The following NUP62CL variants were observed in gnomAD, a reference collection of about 807,000 sequenced individuals.
NUP62CL encodes the protein nucleoporin 62 C-terminal like.
In NUP62CL, 13 loss-of-function variants were observed where a neutral mutation model predicts 15.3. The ratio of observed to expected loss-of-function variants is 0.85; its 90% CI spans 0.55 to 1.35. The LOEUF (loss-of-function observed/expected upper bound fraction) is 1.35. NUP62CL is among the 40% of genes most tolerant of loss of function. The pLI is 0.00. For synonymous variants in NUP62CL, 54 were observed against 49.2 expected (o/e 1.10, Z -0.41); for missense variants, 123 against 130.6 (o/e 0.94, Z 0.28).
chrX:107,192,608 T>A (rs1422190522), intron 2 of NUP62CL, among the ~76,000 whole-genome samples: 5 of 111,819 alleles, frequency 4.5e-5, no homozygotes, highest in Non-Finnish European at 9.4e-5. Context: ...CTCAAACTCC[T>A]GTGCTCAAGC....
chrX:107,128,781 G>A (rs905230129), intron 8 of NUP62CL, among the ~76,000 whole-genome samples: 10 of 111,810 alleles, frequency 8.9e-5, no homozygotes, highest in African/African-American at 2.9e-4. Context: ...AATATCAGGC[G>A]TTTAGAAAAC....
intron 4 of NUP62CL, among the ~76,000 whole-genome samples, chrX:107,166,314 C>T (rs1926515306): frequency 8.9e-6 from 1 of 111,890 alleles, no homozygotes; most frequent in South Asian, 3.7e-4. Context: ...AAAAGACGTT[C>T]AACATCATTA....
At chrX:107,146,917 A>G (rs1221529196) in intron 8 of NUP62CL, among the ~76,000 whole-genome samples, 2 of 111,428 alleles carry the variant, frequency 1.8e-5, no homozygotes, top group African/African-American at 6.5e-5. Flanking sequence ...TTTAGTGTGA[A>G]TGGCATTTAG....
rs1374269499 is a variant in NUP62CL at position 107,153,163 on chromosome X, G to C, written c.530+9C>G. The C allele has an allele frequency of 8.4e-7, 1 of 1,189,938 alleles. No individual in the cohort carries two copies. Among genetic ancestry groups the C allele is most frequent in the East Asian group, 3.0e-5 (1 of 33,250 alleles). ...TGCCCCATTCTTCAATCTTTTTTCA[G>C]TTACTTACATCTCCACATGCTCCTC... is the stretch of plus-strand genomic sequence containing the variant. On this transcript the variant is annotated intron_variant, in intron 7 of 8. Coordinates refer to ENST00000372466, the MANE Select transcript of NUP62CL (RefSeq NM_017681.3).
Position 107,174,718 on chromosome X carries a change from T to G in NUP62CL, c.58+371A>C, listed in dbSNP as rs1446807046. On this transcript the variant is annotated intron_variant, in intron 3 of 8. Transcript: ENST00000372466. ...ATCAGAAAACACACTATAGCAAGGC[T>G]CCTACATTTATTTCCCATTTTATCT... Among the ~76,000 whole-genome samples the G allele has an allele frequency of 2.7e-5, 3 of 111,590 alleles. No homozygotes were observed. In the Admixed American group the frequency reaches 2.9e-4, roughly 11 times the overall value.
At chrX:107,155,768 G>T (rs950881477) in intron 4 of NUP62CL, among the ~76,000 whole-genome samples, 2 of 112,572 alleles carry the variant, frequency 1.8e-5, no homozygotes, top group Non-Finnish European at 3.8e-5. Flanking sequence ...ACCTATCATA[G>T]GGGAGGAGCC....
chrX:107,184,238 A>G (rs1296116603), intron 2 of NUP62CL, among the ~76,000 whole-genome samples: 1 of 109,545 alleles, frequency 9.1e-6, no homozygotes, highest in Non-Finnish European at 1.9e-5. Flanking sequence ...ATTCATCAAC[A>G]AACAATTATT....
intron 4 of NUP62CL, among the ~76,000 whole-genome samples, chrX:107,160,990 T>A (rs1442757414): frequency 2.7e-5 from 3 of 111,369 alleles, no homozygotes; most frequent in African/African-American, 9.8e-5. Context: ...CAGACACTTC[T>A]CAAAAGAAGA....
intron 2 of NUP62CL, among the ~76,000 whole-genome samples, chrX:107,176,275 G>A (rs761442173): frequency 4.5e-5 from 5 of 111,394 alleles, no homozygotes; most frequent in East Asian, 2.8e-4. Context: ...GGTGTAAGTC[G>A]GATAGTTTAT....
At chrX:107,124,407 C>G (rs1187099398) in intron 8 of NUP62CL, 75 bp from the exon 9 acceptor site, 1 of 318,670 alleles carries the variant, frequency 3.1e-6, no homozygotes, top group Non-Finnish European at 6.1e-6. Context: ...GTATTCCTTT[C>G]AACACATGAT....
chrX:107,201,647 G>A (rs1927487588), intron 1 of NUP62CL, among the ~76,000 whole-genome samples: 1 of 110,075 alleles, frequency 9.1e-6, no homozygotes, highest in African/African-American at 3.3e-5. Context: ...ATGCTGCAGG[G>A]CCAAGCACAG....
chrX:107,204,776 AAATAAAT>A (rs1429686390), intron 1 of NUP62CL, among the ~76,000 whole-genome samples: 1 of 85,440 alleles, frequency 1.2e-5, no homozygotes, highest in Non-Finnish European at 2.1e-5. Flanking sequence ...TAAATTATTT[AAATAAAT>A]TTTAAATAAA....
At chrX:107,186,391 A>T (rs1927063236) in intron 2 of NUP62CL, among the ~76,000 whole-genome samples, 1 of 111,835 alleles carries the variant, frequency 8.9e-6, no homozygotes, top group South Asian at 3.7e-4. Context: ...CATCTTACAT[A>T]ATTATCCATT....
At chrX:107,182,387 A>G (rs1417351238) in intron 2 of NUP62CL, among the ~76,000 whole-genome samples, 6 of 112,253 alleles carry the variant, frequency 5.3e-5, no homozygotes, top group Admixed American at 9.4e-5. Context: ...GCTGAGAACT[A>G]CTGAACTAGA....
chrX:107,150,714 G>T (rs1190400597), intron 7 of NUP62CL: 1 of 257,647 alleles, frequency 3.9e-6, no homozygotes, highest in Non-Finnish European at 7.5e-6. Flanking sequence ...GCCCAGGCTG[G>T]TCTCAAACTC....
At chrX:107,191,803 G>A (rs746142358) in intron 2 of NUP62CL, among the ~76,000 whole-genome samples, 7 of 111,907 alleles carry the variant, frequency 6.3e-5, no homozygotes, top group Non-Finnish European at 1.3e-4. Context: ...CAAACAACAC[G>A]CATCTCTTTA....
At position 107,175,172 on chromosome X, in the gene NUP62CL, ACAG is replaced by A; in HGVS notation, c.-29_-27del. The A allele has an allele frequency of 8.9e-7, 1 of 1,118,072 alleles. No individual in the cohort carries two copies. The highest frequency in any genetic ancestry group is 1.2e-6 in the Non-Finnish European group (1 of 824,536). 92.1% of individuals were successfully genotyped at this position (1,118,072 alleles called of 1,213,427 possible). A position where few individuals can be genotyped will look rare whatever the true frequency, so the allele number is the denominator to read the frequency against. On this transcript the variant is annotated 5_prime_UTR_variant, in exon 3 of 9. Coordinates refer to ENST00000372466, the MANE Select transcript of NUP62CL (RefSeq NM_017681.3). ...GGTGCTTGAACTAGTGGTGGTGGCA[ACAG>A]CAGCTGCTGGAGCCAAACCTAAAAA...
intron 3 of NUP62CL, among the ~76,000 whole-genome samples, chrX:107,173,885 C>G (rs184228446): frequency 3.7e-3 from 410 of 110,030 alleles, no homozygotes; most frequent in Non-Finnish European, 6.8e-3. Context: ...GGGAGGGGGG[C>G]TATTACAGCT....
chrX:107,175,736 G>A (rs1294545257), intron 2 of NUP62CL, among the ~76,000 whole-genome samples: 1 of 111,231 alleles, frequency 9.0e-6, no homozygotes, highest in East Asian at 2.8e-4. Context: ...TCTCTAGGGA[G>A]GGGTAGCCAA....
Sources: allele counts gnomAD v4.1 joint callset (sites outside exome capture counted in the v4.1 genomes callset), GRCh38; gene constraint gnomAD v4.1.1; transcripts MANE v1.5; gene names NCBI Gene and HGNC (gene_info 2026-07-23, HGNC 2026-07-21).